EIF3L: variants seen among roughly 807,000 people sequenced by gnomAD.
EIF3L encodes eIEF associated protein HSPC021.
In EIF3L, 32 loss-of-function variants were observed where a neutral mutation model predicts 74.6. The observed-to-expected ratio is 0.43, with a 90% CI of 0.32 to 0.58. The LOEUF (loss-of-function observed/expected upper bound fraction) is 0.58. EIF3L is among the 20% of genes least tolerant of loss of function. The probability of loss-of-function intolerance (pLI) is 0.06; values close to 1 mark genes in which losing one functional copy is unlikely to be tolerated. For synonymous variants in EIF3L, 256 were observed against 254.4 expected, an observed-to-expected ratio of 1.01 and a Z score of -0.06; for missense variants, 474 against 707.8, an observed-to-expected ratio of 0.67 and a Z score of 3.75.
At chr22:37,869,816 A>G (rs1250658073) in intron 7 of EIF3L, among the ~76,000 whole-genome samples, 1 of 152,128 alleles carries the variant, frequency 6.6e-6, no homozygotes, top group Non-Finnish European at 1.5e-5. Context: ...AATAGATGGT[A>G]CAAGAGCCCC....
chr22:37,888,558 C>T lies in EIF3L; in HGVS notation c.*94C>T. On this transcript the variant is annotated 3_prime_UTR_variant, in exon 13 of 13. Coordinates refer to ENST00000652021, the MANE Select transcript of EIF3L (RefSeq NM_016091.4). Reference sequence around the variant, plus strand: ...AACCTTTACCTAGATCAGCCATCAGCCTGTCAACTCAGTTAACAAGTTAAG... The same window carrying T: ...AACCTTTACCTAGATCAGCCATCAGTCTGTCAACTCAGTTAACAAGTTAAG... 7.7e-7 allele frequency: 1 copy of T among 1,300,932 alleles called. No homozygotes were observed. Among genetic ancestry groups the T allele is most frequent in the African/African-American group, 1.5e-5 (1 of 68,492 alleles). 80.6% of individuals were successfully genotyped at this position (1,300,932 alleles called of 1,614,324 possible). A position where few individuals can be genotyped will look rare whatever the true frequency, so the allele number is the denominator to read the frequency against.
At chr22:37,862,819 A>G (rs1430838789) in intron 5 of EIF3L, 150 bp from the exon 6 acceptor site, 8 of 597,636 alleles carry the variant, frequency 1.3e-5, no homozygotes, top group East Asian at 6.0e-5. Context: ...AGGACTTTCT[A>G]TCTTCCCTCT....
At chr22:37,877,502 T>G in intron 10 of EIF3L, 172 bp from the exon 11 acceptor site, 1 of 725,086 alleles carries the variant, frequency 1.4e-6, no homozygotes, top group African/African-American at 1.8e-5. Flanking sequence ...AGGATGGAAG[T>G]TAGGTAGATC....
chr22:37,870,100 C>G (rs990472418), intron 7 of EIF3L, 76 bp from the exon 8 acceptor site: 2 of 1,364,356 alleles, frequency 1.5e-6, no homozygotes, highest in Non-Finnish European at 2.0e-6. Flanking sequence ...AGCATTGCCT[C>G]GTTTTCAGCA....
intron 8 of EIF3L, among the ~76,000 whole-genome samples, chr22:37,872,221 G>A (rs1462089619): frequency 6.6e-6 from 1 of 151,888 alleles, no homozygotes; most frequent in African/African-American, 2.4e-5. Context: ...GGGTTCAAGC[G>A]ATTCTCCTGT....
intron 2 of EIF3L, 25 bp from the exon 3 acceptor site, chr22:37,851,255 T>C (rs762064291): frequency 1.9e-6 from 3 of 1,605,526 alleles, no homozygotes; most frequent in East Asian, 4.5e-5. Context: ...GAGCATACTC[T>C]GTATTTGTTG....
Position 37,875,926 on chromosome 22 carries a change from A to T in EIF3L, c.992A>T (p.Asp331Val). Residue 331 changes from aspartate to valine, a missense_variant, in exon 10 of 13, where the codon GAT becomes GTT. Around this residue, in one of 4 missense-constraint regions of EIF3L, gnomAD observed 293 missense variants for 469.1 expected, o/e 0.62. Transcript: ENST00000652021. ...TATTTGATGATGCGTCGTTACCAGG[A>T]TGCCATCCGGGTCTTCGCCAACATC... Reference protein sequence around the residue: ...FAYLMMRRYQDAIRVFANILL... With the variant: ...FAYLMMRRYQVAIRVFANILL... 4 of 1,614,124 alleles carry T rather than the reference A, an allele frequency of 2.5e-6. No homozygotes were observed. Among genetic ancestry groups the T allele is most frequent in the Non-Finnish European group, 3.4e-6 (4 of 1,180,024 alleles).
chr22:37,873,266 G>A (rs1926569177), intron 8 of EIF3L, among the ~76,000 whole-genome samples: 1 of 150,908 alleles, frequency 6.6e-6, no homozygotes, highest in Admixed American at 6.6e-5. Context: ...TAGGATTACA[G>A]GCATGAGCTG....
At chr22:37,867,142 A>G (rs1013535107) in intron 7 of EIF3L, among the ~76,000 whole-genome samples, 3 of 151,974 alleles carry the variant, frequency 2.0e-5, no homozygotes, top group East Asian at 1.9e-4. Context: ...GGCTCAAGCA[A>G]TCCCCCCACC....
chr22:37,865,081 T>C (rs925260167), intron 7 of EIF3L, among the ~76,000 whole-genome samples: 2 of 152,176 alleles, frequency 1.3e-5, no homozygotes, highest in Non-Finnish European at 2.9e-5. Flanking sequence ...TATTTAAAAA[T>C]ACAGATTGCT....
At chr22:37,885,569 A>G (rs1403319493) in intron 11 of EIF3L, 2 of 152,032 alleles carry the variant, frequency 1.3e-5, no homozygotes, top group Admixed American at 6.5e-5. Context: ...GGTGTTCAAA[A>G]TATTTTCAGC....
intron 11 of EIF3L, chr22:37,885,713 G>A (rs890348783): frequency 2.0e-5 from 3 of 146,616 alleles, no homozygotes; most frequent in South Asian, 2.2e-4. Flanking sequence ...ACGCAGTCTC[G>A]GCTCACTGCA....
At chr22:37,853,957 A>G (rs1925362397) in intron 3 of EIF3L, among the ~76,000 whole-genome samples, 2 of 152,242 alleles carry the variant, frequency 1.3e-5, no homozygotes, top group African/African-American at 4.8e-5. Context: ...CAACTAACTG[A>G]AATTTAAAAT....
intron 6 of EIF3L, 66 bp downstream of exon 6, chr22:37,863,104 T>A (rs1426057626): frequency 5.3e-5 from 7 of 131,152 alleles, no homozygotes; most frequent in Non-Finnish European, 9.8e-5. Flanking sequence ...GGCCTCCAGC[T>A]TTTTTTTTTT....
chr22:37,873,228 A>T (rs1926566475), intron 8 of EIF3L, among the ~76,000 whole-genome samples: 2 of 151,362 alleles, frequency 1.3e-5, no homozygotes, highest in Non-Finnish European at 2.9e-5. Flanking sequence ...ACCTCAAGTG[A>T]TACGTCCGCC....
intron 4 of EIF3L, 143 bp from the exon 5 acceptor site, chr22:37,858,536 A>G (rs1283976311): frequency 1.1e-5 from 8 of 722,288 alleles, no homozygotes; most frequent in Admixed American, 5.2e-5. Flanking sequence ...TTCTCATTGC[A>G]TGTATTCTTG....
At chr22:37,862,697 CTT>C in intron 5 of EIF3L, among the ~76,000 whole-genome samples, 1 of 152,274 alleles carries the variant, frequency 6.6e-6, no homozygotes, top group Non-Finnish European at 1.5e-5. Context: ...TTCTGAAACA[CTT>C]TTCCTTCTCT....
At chr22:37,862,757 G>C (rs950891501) in intron 5 of EIF3L, among the ~76,000 whole-genome samples, 1 of 152,144 alleles carries the variant, frequency 6.6e-6, no homozygotes, top group Non-Finnish European at 1.5e-5. Context: ...TTTAAGGTCT[G>C]TTGCTGTAGA....
intron 11 of EIF3L, chr22:37,886,259 A>G (rs1297249380): frequency 6.6e-6 from 1 of 151,454 alleles, no homozygotes; most frequent in African/African-American, 2.4e-5. Context: ...AGTACAAATG[A>G]ATTGATAAAA....
Sources: allele counts gnomAD v4.1 joint callset (sites outside exome capture counted in the v4.1 genomes callset), GRCh38; gene constraint gnomAD v4.1.1; regional missense constraint gnomAD v4.1.1; transcripts MANE v1.5; gene names NCBI Gene and HGNC (gene_info 2026-07-23, HGNC 2026-07-21).